Variants in DLC1 observed in about 807,000 individuals in gnomAD.
DLC1 encodes rho GTPase-activating protein 7.
Under a neutral mutation model 140.3 loss-of-function variants are expected in DLC1, and 54 were observed. The observed-to-expected ratio is 0.38, with a 90% confidence interval of 0.31 to 0.48. The LOEUF is 0.48. Ranked by LOEUF, DLC1 falls within the 20% of genes least tolerant of loss-of-function variation. The pLI is 0.96. For missense variants in DLC1, 2,536 were observed against 1,907.0 expected (o/e 1.33, Z -6.14); for synonymous variants, 986 against 728.1 (o/e 1.35, Z -5.70).
chr8:13,119,046 T>C (rs1197721315), intron 5 of DLC1, among the ~76,000 whole-genome samples: 8 of 151,802 alleles, frequency 5.3e-5, no homozygotes, highest in Non-Finnish European at 5.9e-5. Context: ...CTGAAGAACA[T>C]AGGGAGACCC....
At chr8:13,589,100 C>G (rs781396223) in intron 1 of DLC1, among the ~76,000 whole-genome samples, 6 of 152,028 alleles carry the variant, frequency 3.9e-5, no homozygotes, top group Non-Finnish European at 8.8e-5. Flanking sequence ...CAGTTCTTGC[C>G]AAGTTTTTCT....
intron 1 of DLC1, among the ~76,000 whole-genome samples, chr8:13,593,835 G>C (rs772365199): frequency 6.6e-5 from 10 of 152,112 alleles, no homozygotes; most frequent in Non-Finnish European, 8.8e-5. Flanking sequence ...TGTGGGCAAA[G>C]ATTTCATCTA....
At chr8:13,376,521 T>C (rs960629139) in intron 4 of DLC1, among the ~76,000 whole-genome samples, 7 of 152,104 alleles carry the variant, frequency 4.6e-5, no homozygotes, top group Admixed American at 2.0e-4. Context: ...ATTTTAAATA[T>C]GGGAAAGGCA....
chr8:13,104,868 G>A (rs766439485), intron 7 of DLC1, among the ~76,000 whole-genome samples: 3 of 152,184 alleles, frequency 2.0e-5, no homozygotes, highest in Non-Finnish European at 2.9e-5. Flanking sequence ...CTAAGAAAAA[G>A]TCTGCACACT....
chr8:13,111,136 T>C (rs972300517), intron 6 of DLC1, among the ~76,000 whole-genome samples: 3 of 152,196 alleles, frequency 2.0e-5, no homozygotes, highest in Non-Finnish European at 1.5e-5. Flanking sequence ...GAAATTATAA[T>C]TTAAGCCACA....
intron 3 of DLC1, among the ~76,000 whole-genome samples, chr8:13,396,121 G>C (rs1196740451): frequency 7.1e-6 from 1 of 141,754 alleles, no homozygotes. Context: ...GTGCAGTGGT[G>C]CGATCTCTGC....
At chr8:13,582,658 T>C (rs1327804601) in intron 1 of DLC1, among the ~76,000 whole-genome samples, 2 of 151,876 alleles carry the variant, frequency 1.3e-5, no homozygotes, top group African/African-American at 4.8e-5. Context: ...ATCTTGTGAT[T>C]GTGTGAGTTA....
chr8:13,404,223 G>A (rs1391517928), intron 2 of DLC1, among the ~76,000 whole-genome samples: 1 of 152,100 alleles, frequency 6.6e-6, no homozygotes, highest in Non-Finnish European at 1.5e-5. Context: ...ATGGTATGTT[G>A]GTAAGTGTTT....
intron 4 of DLC1, among the ~76,000 whole-genome samples, chr8:13,387,933 T>G (rs762103689): frequency 6.6e-6 from 1 of 152,042 alleles, no homozygotes; most frequent in Non-Finnish European, 1.5e-5. Context: ...TTCATGGGGA[T>G]TTGCACAGTC....
At chr8:13,587,556 C>A (rs1482897114) in intron 1 of DLC1, among the ~76,000 whole-genome samples, 1 of 146,260 alleles carries the variant, frequency 6.8e-6, no homozygotes, top group East Asian at 2.0e-4. Flanking sequence ...CACACACACA[C>A]ACACACACAC....
At chr8:13,583,244 C>T (rs1805178843) in intron 1 of DLC1, among the ~76,000 whole-genome samples, 1 of 152,122 alleles carries the variant, frequency 6.6e-6, no homozygotes, top group Non-Finnish European at 1.5e-5. Context: ...AACTTGGAGT[C>T]AATTCTCTCA....
chr8:13,300,322 T>A (rs79537097), intron 5 of DLC1, among the ~76,000 whole-genome samples: 5,928 of 152,206 alleles, frequency 0.039, 185 homozygotes, highest in South Asian at 0.085. Context: ...AAAGAGATAA[T>A]GGATGCTAGG....
chr8:13,105,088 A>C (rs1221503632), intron 7 of DLC1, among the ~76,000 whole-genome samples: 1 of 137,444 alleles, frequency 7.3e-6, no homozygotes, highest in Admixed American at 7.2e-5. Context: ...GGTGTTTATA[A>C]CCAAATTTAC....
chr8:13,523,662 A>C (rs966576858), intron 1 of DLC1, among the ~76,000 whole-genome samples: 3 of 152,200 alleles, frequency 2.0e-5, no homozygotes, highest in African/African-American at 7.2e-5. Context: ...AGCAGAGGTC[A>C]CTCTTGATAT....
intron 5 of DLC1, among the ~76,000 whole-genome samples, chr8:13,283,858 G>A (rs1239226081): frequency 6.6e-6 from 1 of 152,152 alleles, no homozygotes; most frequent in African/African-American, 2.4e-5. Context: ...GGGGAATGGA[G>A]GCAGCTAGAA....
chr8:13,308,870 G>C (rs1236181354), intron 4 of DLC1, among the ~76,000 whole-genome samples: 1 of 152,102 alleles, frequency 6.6e-6, no homozygotes, highest in East Asian at 1.9e-4. Flanking sequence ...TGGTTTCTGA[G>C]AAGGGACCTG....
chr8:13,381,205 G>C (rs538935085), intron 4 of DLC1, among the ~76,000 whole-genome samples: 3 of 152,184 alleles, frequency 2.0e-5, no homozygotes, highest in Non-Finnish European at 2.9e-5. Context: ...TCACAGACCA[G>C]AGATGTATCA....
intron 2 of DLC1, among the ~76,000 whole-genome samples, chr8:13,425,375 G>C (rs959342707): frequency 3.9e-5 from 6 of 152,178 alleles, no homozygotes; most frequent in African/African-American, 1.2e-4. Context: ...TGCTCTCAGA[G>C]TTCACAGGAC....
chr8:13,566,827 A>C, intron 1 of DLC1: 8 of 903,236 alleles, frequency 8.9e-6, no homozygotes, highest in Non-Finnish European at 1.3e-5. Context: ...ACTGCGCATG[A>C]GCGGCCCGCG....
Sources: gnomAD v4.1 joint callset for allele counts (sites outside exome capture counted in the v4.1 genomes callset) on GRCh38, gnomAD v4.1.1 for gene constraint, MANE v1.5 for transcripts, NCBI Gene and HGNC (gene_info 2026-07-23, HGNC 2026-07-21) for gene names.